ATP7A: variants seen among roughly 807,000 people sequenced by gnomAD.
ATP7A encodes ATPase copper transporting alpha, also known as copper-transporting ATPase 1.
In ATP7A, 7 loss-of-function variants were observed where a neutral mutation model predicts 83.5. The ratio of observed to expected loss-of-function variants is 0.08; its 90% CI spans 0.05 to 0.16. The LOEUF (loss-of-function observed/expected upper bound fraction) is 0.16. ATP7A is among the 10% of genes least tolerant of loss of function. The pLI is 1.00. For synonymous variants in ATP7A, 354 were observed against 395.2 expected, an observed-to-expected ratio of 0.90 and a Z score of 1.24; for missense variants, 940 against 1,120.8, an observed-to-expected ratio of 0.84 and a Z score of 2.30.
rs1389520659 is a variant in ATP7A at position 78,048,381 on chromosome X, G to C, written c.*1811G>C. On this transcript the variant is annotated 3_prime_UTR_variant, in exon 23 of 23. Coordinates refer to ENST00000341514, the MANE Select transcript of ATP7A (RefSeq NM_000052.7). ...ATCTGGCACATAGGATTTGTACTCG[G>C]TAAATGTTAGTTCTTTTCTCCCCTT... 1 of 112,160 alleles carries C rather than the reference G, an allele frequency of 8.9e-6. No individual in the cohort carries two copies. The highest frequency in any genetic ancestry group is 1.9e-5 in the Non-Finnish European group (1 of 53,175). The allele number at this position is 112,160 out of a possible 1,213,427, so 9.2% of individuals were successfully genotyped here.
intron 1 of ATP7A, among the ~76,000 whole-genome samples, chrX:77,941,572 T>C (rs1349646045): frequency 9.0e-6 from 1 of 111,555 alleles, no homozygotes; most frequent in African/African-American, 3.3e-5. Context: ...GTAAAAGATA[T>C]GTTAAATGGA....
rs782021386 is a variant in ATP7A, at chrX:77,969,275, G to A, written c.-21-2346G>A. ...TGGTCGGGCTCCATCGGAGGTGGTG[G>A]GACATCATAGGAGCGCCTCCAGATC... On this transcript the variant is annotated intron_variant, in intron 1 of 22. Coordinates refer to ENST00000341514, the MANE Select transcript of ATP7A (RefSeq NM_000052.7). The A allele has an allele frequency of 5.8e-6, 7 of 1,209,754 alleles. No individual in the cohort carries two copies. In the East Asian group the frequency reaches 1.8e-4, roughly 31 times the overall value.
chrX:78,002,712 G>T (rs1351516917), intron 5 of ATP7A, among the ~76,000 whole-genome samples: 1 of 109,691 alleles, frequency 9.1e-6, no homozygotes, highest in Non-Finnish European at 1.9e-5. Context: ...AGAGCAGCGA[G>T]TGGAGGGTGT....
intron 17 of ATP7A, among the ~76,000 whole-genome samples, chrX:78,037,283 A>G (rs1222527558): frequency 8.9e-6 from 1 of 112,451 alleles, no homozygotes; most frequent in Non-Finnish European, 1.9e-5. Context: ...GTGTCTAGGA[A>G]AATAGCCACT....
At position 78,033,487 on chromosome X, in the gene ATP7A, G is replaced by A. The variant is rs2077994918; in HGVS notation, c.3295-118G>A. 8.9e-6 allele frequency: 6 copies of A among 676,847 alleles called. No homozygotes were observed. In the South Asian group the frequency reaches 1.5e-4, roughly 16 times the overall value. 55.8% of individuals were successfully genotyped at this position (676,847 alleles called of 1,213,427 possible). ...CTTATCAAAATCCACTGTCAAGTAGGCAATATGTGACAATTTTATTATAAA... is the reference window on the plus strand; with the variant it reads ...CTTATCAAAATCCACTGTCAAGTAGACAATATGTGACAATTTTATTATAAA... On this transcript the variant is annotated intron_variant, in intron 16 of 22. Transcript: ENST00000341514.
intron 2 of ATP7A, among the ~76,000 whole-genome samples, chrX:77,981,054 TCTG>T (rs1390527847): frequency 8.9e-6 from 1 of 112,424 alleles, no homozygotes; most frequent in Non-Finnish European, 1.9e-5. Context: ...TGCACATCAT[TCTG>T]CACCTTGCTT....
Position 78,004,193 on chromosome X carries a change from A to T in ATP7A, c.1707+957A>T, listed in dbSNP as rs1252032400. ...GTTGCAGTGTAATACTTATGGCATA[A>T]TCTCATTTAGTAAAAAATGCAAAAC... On this transcript the variant is annotated intron_variant, in intron 6 of 22. Transcript: ENST00000341514. Among the ~76,000 whole-genome samples the T allele has an allele frequency of 3.6e-5, 4 of 111,204 alleles. 1 individual carries two copies. Among genetic ancestry groups the T allele is most frequent in the Non-Finnish European group, 7.5e-5 (4 of 53,140 alleles).
chrX:78,020,758 C>A (rs1603387183), intron 13 of ATP7A, among the ~76,000 whole-genome samples, 187 bp from the exon 14 acceptor site: 1 of 111,521 alleles, frequency 9.0e-6, no homozygotes, highest in Non-Finnish European at 1.9e-5. Flanking sequence ...TGGACTCAAG[C>A]TATCATCCTG....
At chrX:78,000,949 G>A (rs1434503567) in intron 5 of ATP7A, among the ~76,000 whole-genome samples, 1 of 111,664 alleles carries the variant, frequency 9.0e-6, no homozygotes, top group Non-Finnish European at 1.9e-5. Context: ...ACAGGCATGG[G>A]CCACCACACC....
chrX:78,007,576 C>T lies in ATP7A; in HGVS notation c.1708-1526C>T, dbSNP rs782165389. ...TCCTGACCTCGTGATCCGCCCACCT[C>T]GGCCTCCCAAAGTGCTGGGATTACA... On this transcript the variant is annotated intron_variant, in intron 6 of 22. Transcript: ENST00000341514. 6.2e-5 allele frequency among the ~76,000 whole-genome samples: 7 copies of T among 112,202 alleles called. No individual in the cohort carries two copies. The South Asian group carries it at 2.2e-3, about 35-fold the overall frequency.
rs572956005 is a variant in ATP7A, at chrX:78,012,884, C to T, written c.2178C>T (p.Phe726=). The change falls in exon 10 of 23, where the codon TTC becomes TTT. Residue 726 remains phenylalanine, a synonymous_variant. Coordinates refer to ENST00000341514, the MANE Select transcript of ATP7A (RefSeq NM_000052.7). The part of the protein sequence containing the change: ...SFLLCVPVQF[F]GGWYFYIQAY... ...TTATCATTCCTATATTGCAGTTTTT[C>T]GGAGGCTGGTACTTCTACATTCAGG... 16 of 1,206,654 alleles carry T rather than the reference C, an allele frequency of 1.3e-5. No individual in the cohort carries two copies. The highest frequency in any genetic ancestry group is 3.5e-5 in the South Asian group (2 of 56,765).
intron 2 of ATP7A, among the ~76,000 whole-genome samples, chrX:77,985,152 G>T (rs2077628013): frequency 9.1e-6 from 1 of 110,310 alleles, no homozygotes; most frequent in African/African-American, 3.3e-5. Flanking sequence ...TTGAGCAGCT[G>T]GGACTACAGG....
chrX:78,030,067 G>A (rs1210212193), intron 15 of ATP7A, among the ~76,000 whole-genome samples: 1 of 111,906 alleles, frequency 8.9e-6, no homozygotes, highest in Non-Finnish European at 1.9e-5. Flanking sequence ...AACTCACCTC[G>A]CCAGAGAATA....
At chrX:77,980,119 G>A (rs1245866997) in intron 2 of ATP7A, among the ~76,000 whole-genome samples, 1 of 112,229 alleles carries the variant, frequency 8.9e-6, no homozygotes, top group Non-Finnish European at 1.9e-5. Context: ...GTTTGTCCCT[G>A]AAACTTACAA....
At chrX:78,011,720 G>A in intron 9 of ATP7A, 46 bp downstream of exon 9, 3 of 1,130,934 alleles carry the variant, frequency 2.7e-6, no homozygotes, top group Non-Finnish European at 3.6e-6. Context: ...TAAAAAATAA[G>A]CAAAATTTGG....
intron 1 of ATP7A, among the ~76,000 whole-genome samples, chrX:77,915,648 G>C (rs1407785454): frequency 9.0e-6 from 1 of 111,712 alleles, no homozygotes; most frequent in East Asian, 2.8e-4. Context: ...CAGTTTTGCT[G>C]TACTATAAAT....
At chrX:77,911,556 T>C (rs925647828) in intron 1 of ATP7A, among the ~76,000 whole-genome samples, 2 of 108,253 alleles carry the variant, frequency 1.8e-5, no homozygotes, top group Non-Finnish European at 3.8e-5. Context: ...ACTGAGGTTA[T>C]TAATTTTTTT....
chrX:77,978,854 C>T (rs933257720), intron 2 of ATP7A, among the ~76,000 whole-genome samples: 12 of 111,141 alleles, frequency 1.1e-4, no homozygotes, highest in Non-Finnish European at 1.1e-4. Flanking sequence ...TATTTTGAGA[C>T]GGAATCTTGC....
At chrX:77,926,184 G>GTA (rs1247580522) in intron 1 of ATP7A, among the ~76,000 whole-genome samples, 2 of 111,412 alleles carry the variant, frequency 1.8e-5, no homozygotes, top group East Asian at 5.6e-4. Context: ...AATAACTGAA[G>GTA]TATACCCTTT....
Sources: gnomAD v4.1 joint callset for allele counts (sites outside exome capture counted in the v4.1 genomes callset) on GRCh38, gnomAD v4.1.1 for gene constraint, MANE v1.5 for transcripts, NCBI Gene and HGNC (gene_info 2026-07-23, HGNC 2026-07-21) for gene names.